RYR1: variants seen among roughly 807,000 people sequenced by gnomAD.
The protein encoded by RYR1 is central core disease of muscle.
A neutral mutation model predicts 583.5 loss-of-function variants in RYR1; 342 were observed. The ratio of observed to expected loss-of-function variants is 0.59; its 90% CI spans 0.54 to 0.64. The LOEUF is 0.64. Among genes scored for constraint, RYR1 ranks in the 30% least tolerant of loss-of-function variants. The pLI, the probability that RYR1 is intolerant of heterozygous loss-of-function variation, is 0.00. For synonymous variants in RYR1, 2,791 were observed against 2,822.5 expected, an observed-to-expected ratio of 0.99 and a Z score of 0.35; for missense variants, 6,032 against 6,917.2, an observed-to-expected ratio of 0.87 and a Z score of 4.54.
Position 38,496,484 on chromosome 19 carries a change from C to T in RYR1, c.6739C>T (p.Gln2247Ter). 1 of 1,613,720 alleles carries T rather than the reference C, an allele frequency of 6.2e-7. No homozygotes were observed. The highest frequency in any genetic ancestry group is 8.5e-7 in the Non-Finnish European group (1 of 1,180,032). ...CYFCRISRQN[Q>*]RSMFDHLSYL... ...TTTCTGCCGAATCAGCCGGCAGAACCAGCGCTCCATGTTTGACCACCTGAG... is the reference window on the plus strand; with the variant it reads ...TTTCTGCCGAATCAGCCGGCAGAACTAGCGCTCCATGTTTGACCACCTGAG... The change falls in exon 41 of 106, where the codon CAG becomes TAG. Residue 2247 changes from glutamine (Q) to a stop codon, truncating the protein, a stop_gained. Transcript: ENST00000359596. LOFTEE classifies it high-confidence loss of function. The surrounding 1 kb of genome is among the most constrained non-coding windows in gnomAD (Gnocchi z 4.8).
In RYR1 at chr19:38,466,348, G is replaced by T; in HGVS notation, c.3128G>T (p.Arg1043Leu). Reference sequence around the variant, plus strand: ...CGGGACAGCCTCTGCCAGGCCGTGCGCACCCTCCTGGGCTACGGCTACAAC... The same window carrying T: ...CGGGACAGCCTCTGCCAGGCCGTGCTCACCCTCCTGGGCTACGGCTACAAC... ...SNRDSLCQAV[R>L]TLLGYGYNIE... Residue 1043 changes from arginine to leucine, a missense_variant, in exon 24 of 106, where the codon CGC becomes CTC. Physicochemically the swap from Arg to Leu is moderately radical, Grantham distance 102. Around this residue, in one of 11 missense-constraint regions of RYR1, gnomAD observed 2,627 missense variants for 2,961.3 expected, o/e 0.89. Coordinates refer to ENST00000359596, the MANE Select transcript of RYR1 (RefSeq NM_000540.3). The T allele has an allele frequency of 2.5e-6, 4 of 1,589,114 alleles. No homozygotes were observed. Among genetic ancestry groups the T allele is most frequent in the Non-Finnish European group, 3.4e-6 (4 of 1,169,942 alleles).
chr19:38,568,510 C>T lies in RYR1; in HGVS notation c.13659+593C>T, dbSNP rs779472766. Among the ~76,000 whole-genome samples the T allele has an allele frequency of 1.7e-4, 25 of 147,454 alleles. No homozygotes were observed. In the East Asian group the frequency reaches 1.8e-3, roughly 11 times the overall value. ...CAGCACCTTGGGAGGCCGAGGCAGG[C>T]GGATCGCCTGAGGTCAGGAGTTCAA... On this transcript the variant is annotated intron_variant, in intron 93 of 105. Transcript: ENST00000359596.
intron 70 of RYR1, 97 bp downstream of exon 70, chr19:38,524,026 G>C: frequency 2.1e-6 from 3 of 1,398,384 alleles, no homozygotes; most frequent in Non-Finnish European, 3.0e-6. Context: ...CCCTGCTTCT[G>C]TTCCCCACCC....
At chr19:38,570,771 T>C in intron 94 of RYR1, 78 bp downstream of exon 94, 24 of 1,232,448 alleles carry the variant, frequency 1.9e-5, no homozygotes, top group Non-Finnish European at 2.4e-5. Context: ...TATCAGAATT[T>C]CAGGGTTCCT....
At position 38,500,066 on chromosome 19, in the gene RYR1, C is replaced by T. The variant is rs1262708972; in HGVS notation, c.7323+50C>T. ...TGGGAAGGGAGGGCAGGCACAGCCGCTTTGAACGCCTCATGCAGGCACTCG... is the reference window on the plus strand; with the variant it reads ...TGGGAAGGGAGGGCAGGCACAGCCGTTTTGAACGCCTCATGCAGGCACTCG... On this transcript the variant is annotated intron_variant, in intron 45 of 105. Coordinates refer to ENST00000359596, the MANE Select transcript of RYR1 (RefSeq NM_000540.3). The surrounding 1 kb of genome is among the most constrained non-coding windows in gnomAD (Gnocchi z 5.9). The T allele has an allele frequency of 1.3e-6, 2 of 1,515,372 alleles. No individual in the cohort carries two copies. Among genetic ancestry groups the T allele is most frequent in the Non-Finnish European group, 1.8e-6 (2 of 1,093,352 alleles). The allele number at this position is 1,515,372 out of a possible 1,614,324, so 93.9% of individuals were successfully genotyped here. A position where few individuals can be genotyped will look rare whatever the true frequency, so the allele number is the denominator to read the frequency against.
Position 38,565,913 on chromosome 19 carries a change from G to T in RYR1, c.13437+142G>T. 1 of 1,012,312 alleles carries T rather than the reference G, an allele frequency of 9.9e-7. No homozygotes were observed. Among genetic ancestry groups the T allele is most frequent in the Non-Finnish European group, 1.3e-6 (1 of 767,292 alleles). The allele number at this position is 1,012,312 out of a possible 1,614,324, so 62.7% of individuals were successfully genotyped here. Reference sequence around the variant, plus strand: ...ACGCACCCACGGAGGACGCACCCATGGAGGACGCACACGGGGACAGCGGGC... The same window carrying T: ...ACGCACCCACGGAGGACGCACCCATTGAGGACGCACACGGGGACAGCGGGC... On this transcript the variant is annotated intron_variant, in intron 91 of 105. Coordinates refer to ENST00000359596, the MANE Select transcript of RYR1 (RefSeq NM_000540.3). This position sits in a 1 kb window ranked among gnomAD's most constrained non-coding sequence, Gnocchi z 4.7.
Position 38,500,705 on chromosome 19 carries a change from C to T in RYR1, c.7423C>T (p.Gln2475Ter). The T allele has an allele frequency of 6.2e-7, 1 of 1,614,178 alleles. No homozygotes were observed. The highest frequency in any genetic ancestry group is 2.2e-5 in the East Asian group (1 of 44,878). The change falls in exon 46 of 106, where the codon CAG becomes TAG. Residue 2475 changes from glutamine (Q) to a stop codon, truncating the protein, a stop_gained. Transcript: ENST00000359596. LOFTEE classifies it high-confidence loss of function. The surrounding 1 kb of genome is among the most constrained non-coding windows in gnomAD (Gnocchi z 5.9). ...DLVGIISLPL[Q>*]IPTLGKDGAL... Reference sequence around the variant, plus strand: ...TGTGGGCATCATCAGCCTCCCACTGCAGATTCCCACCCTGGGCAAAGGTGC... The same window carrying T: ...TGTGGGCATCATCAGCCTCCCACTGTAGATTCCCACCCTGGGCAAAGGTGC...
At position 38,517,568 on chromosome 19, in the gene RYR1, G is replaced by A. The variant is rs372203483; in HGVS notation, c.9895G>A (p.Gly3299Ser). The change falls in exon 66 of 106, where the codon GGC becomes AGC. Residue 3299 changes from glycine (G) to serine (S), a missense_variant. Gly to Ser is a moderately conservative substitution (Grantham distance 56). Transcript: ENST00000359596. ...PEAPPSALPAGAPPPCTAVTS... is the reference protein window; with the variant it reads ...PEAPPSALPASAPPPCTAVTS... ...GGCACCCCCTTCCGCCCTGCCCGCC[G>A]GCGCCCCCCCACCCTGCACAGCTGT... The A allele has an allele frequency of 6.7e-5, 108 of 1,613,398 alleles. No individual in the cohort carries two copies. The highest frequency in any genetic ancestry group is 2.5e-4 in the South Asian group (23 of 91,082).
intron 47 of RYR1, among the ~76,000 whole-genome samples, chr19:38,501,484 G>A (rs1970118395): frequency 6.6e-6 from 1 of 152,050 alleles, no homozygotes; most frequent in African/African-American, 2.4e-5. Context: ...GCAATGGAGC[G>A]AGACTCCATC....
intron 31 of RYR1, 107 bp from the exon 32 acceptor site, chr19:38,482,920 T>G: frequency 1.0e-6 from 1 of 982,626 alleles, no homozygotes; most frequent in Non-Finnish European, 1.6e-6. Context: ...TTGGAGCCTC[T>G]AACGCCCAGA....
In RYR1 at chr19:38,444,180, C is replaced by T; in HGVS notation, c.456C>T (p.Ala152=). 1 of 1,614,052 alleles carries T rather than the reference C, an allele frequency of 6.2e-7. No individual in the cohort carries two copies. Residue 152 remains alanine (A), a synonymous_variant, in exon 6 of 106, where the codon GCC becomes GCT. Transcript: ENST00000359596. The surrounding 1 kb of genome is among the most constrained non-coding windows in gnomAD (Gnocchi z 5.1). ...GEACWWTMHP[A]SKQRSEGEKV... is the part of the protein sequence containing the mutation. ...CTTGCTGGTGGACCATGCACCCAGCCTCCAAGCAGAGGTCTGAAGGAGAAA... is the reference window on the plus strand; with the variant it reads ...CTTGCTGGTGGACCATGCACCCAGCTTCCAAGCAGAGGTCTGAAGGAGAAA...
At chr19:38,455,967 G>GTTTTTTTTT (rs201725585) in intron 16 of RYR1, among the ~76,000 whole-genome samples, 1 of 108,484 alleles carries the variant, frequency 9.2e-6, no homozygotes. Flanking sequence ...TCTCTGAAAT[G>GTTTTTTTTT]TTTTTTTTTT....
At position 38,565,687 on chromosome 19, in the gene RYR1, T is replaced by G; in HGVS notation, c.13353T>G (p.Ala4451=). The G allele has an allele frequency of 1.4e-6, 2 of 1,407,758 alleles. No homozygotes were observed. The highest frequency in any genetic ancestry group is 1.8e-6 in the Non-Finnish European group (2 of 1,089,690). 87.2% of individuals were successfully genotyped at this position (1,407,758 alleles called of 1,614,324 possible). A position where few individuals can be genotyped will look rare whatever the true frequency, so the allele number is the denominator to read the frequency against. ...GGGGCCCCTTCCGGCCCGAAGGGGC[T>G]GGCGGTCTCGGGGACATGGGGGACA... ...TDGGPFRPEG[A]GGLGDMGDTT... Residue 4451 remains alanine, a synonymous_variant, in exon 91 of 106, where the codon GCT becomes GCG. Transcript: ENST00000359596. This position sits in a 1 kb window ranked among gnomAD's most constrained non-coding sequence, Gnocchi z 4.7.
At position 38,565,696 on chromosome 19, in the gene RYR1, C is replaced by T. The variant is rs1973386133; in HGVS notation, c.13362C>T (p.Leu4454=). 2.8e-6 allele frequency: 4 copies of T among 1,415,292 alleles called. No individual in the cohort carries two copies. The highest frequency in any genetic ancestry group is 3.7e-6 in the Non-Finnish European group (4 of 1,093,114). 87.7% of individuals were successfully genotyped at this position (1,415,292 alleles called of 1,614,324 possible). Residue 4454 remains leucine (L), a synonymous_variant, in exon 91 of 106, where the codon CTC becomes CTT. Transcript: ENST00000359596. The surrounding 1 kb of genome is among the most constrained non-coding windows in gnomAD (Gnocchi z 4.7). The part of the protein sequence containing the change: ...GPFRPEGAGG[L]GDMGDTTPAE... ...TCCGGCCCGAAGGGGCTGGCGGTCT[C>T]GGGGACATGGGGGACACGACGCCTG...
At position 38,469,496 on chromosome 19, in the gene RYR1, G is replaced by C; in HGVS notation, c.3748G>C (p.Glu1250Gln). The C allele has an allele frequency of 6.2e-7, 1 of 1,614,070 alleles. No individual in the cohort carries two copies. The highest frequency in any genetic ancestry group is 8.5e-7 in the Non-Finnish European group (1 of 1,180,018). ...GLPQFEPVPL[E>Q]HPHYEVSRVD... ...GCCCCAGTTTGAGCCAGTGCCCCTT[G>C]AACACCCTCACTATGAGGTAAGGAC... The change falls in exon 27 of 106, where the codon GAA (glutamate) becomes CAA (glutamine). Residue 1250 changes from glutamate to glutamine, a missense_variant. Coordinates refer to ENST00000359596, the MANE Select transcript of RYR1 (RefSeq NM_000540.3).
chr19:38,442,366 G>A lies in RYR1; in HGVS notation c.183G>A (p.Leu61=), dbSNP rs775140898. The A allele has an allele frequency of 6.2e-7, 1 of 1,612,716 alleles. No individual in the cohort carries two copies. The highest frequency in any genetic ancestry group is 1.3e-5 in the African/African-American group (1 of 74,834). ...TSNAQNVPPD[L]AICCFVLEQS... Reference sequence around the variant, plus strand: ...CACCCCAGAATGTGCCCCCCGATCTGGCCATCTGTTGCTTCGTCCTGGAGC... The same window carrying A: ...CACCCCAGAATGTGCCCCCCGATCTAGCCATCTGTTGCTTCGTCCTGGAGC... Residue 61 remains leucine, a synonymous_variant, in exon 3 of 106, where the codon CTG becomes CTA. Coordinates refer to ENST00000359596, the MANE Select transcript of RYR1 (RefSeq NM_000540.3).
At chr19:38,560,729 CAA>C (rs765130460) in intron 89 of RYR1, among the ~76,000 whole-genome samples, 11 of 38,066 alleles carry the variant, frequency 2.9e-4, no homozygotes, top group East Asian at 6.7e-4. Context: ...AACTCCGTCT[CAA>C]AAAAAAAAAA....
Position 38,496,516 on chromosome 19 carries a change from G to A in RYR1, c.6771G>A (p.Leu2257=), listed in dbSNP as rs1417744261. Reference sequence around the variant, plus strand: ...CCATGTTTGACCACCTGAGCTACCTGCTGGAGAACAGTGGCATCGGCCTGG... The same window carrying A: ...CCATGTTTGACCACCTGAGCTACCTACTGGAGAACAGTGGCATCGGCCTGG... ...QRSMFDHLSY[L]LENSGIGLGM... The change falls in exon 41 of 106, where the codon CTG becomes CTA. Residue 2257 remains leucine, a synonymous_variant. Transcript: ENST00000359596. This position sits in a 1 kb window ranked among gnomAD's most constrained non-coding sequence, Gnocchi z 4.8. 6.2e-7 allele frequency: 1 copy of A among 1,613,512 alleles called. No homozygotes were observed. The highest frequency in any genetic ancestry group is 1.1e-5 in the South Asian group (1 of 91,086).
At chr19:38,530,010 C>T (rs139388342) in intron 76 of RYR1, among the ~76,000 whole-genome samples, 57 of 152,170 alleles carry the variant, frequency 3.7e-4, no homozygotes, top group Admixed American at 5.9e-4. Context: ...GATGGAGTCT[C>T]GCTCTGTCAC....
Sources: gnomAD v4.1 joint callset for allele counts (sites outside exome capture counted in the v4.1 genomes callset) on GRCh38, gnomAD v4.1.1 for gene constraint, gnomAD v4.1.1 regional missense constraint, Gnocchi (gnomAD v3.1) non-coding constraint, MANE v1.5 for transcripts, NCBI Gene and HGNC (gene_info 2026-07-23, HGNC 2026-07-21) for gene names.